Variants in ADAM29 observed in about 807,000 individuals in gnomAD.
ADAM29 encodes disintegrin and metalloproteinase domain-containing protein 29.
For synonymous variants in ADAM29, 367 were observed against 342.3 expected, an observed-to-expected ratio of 1.07 and a Z score of -0.80; for missense variants, 969 against 1,001.8, an observed-to-expected ratio of 0.97 and a Z score of 0.44.
At chr4:174,933,428 T>C (rs1163940670) in intron 3 of ADAM29, among the ~76,000 whole-genome samples, 2 of 152,174 alleles carry the variant, frequency 1.3e-5, no homozygotes, top group Non-Finnish European at 1.5e-5. Context: ...TTTTGTGATA[T>C]GTTAAATCAT....
intron 4 of ADAM29, among the ~76,000 whole-genome samples, chr4:174,962,287 A>G (rs778869019): frequency 2.0e-4 from 31 of 152,198 alleles, no homozygotes; most frequent in African/African-American, 4.6e-4. Context: ...CGGGGCGGGC[A>G]GATCATGAGG....
chr4:174,925,868 C>T (rs1335959022), intron 2 of ADAM29, among the ~76,000 whole-genome samples: 4 of 152,134 alleles, frequency 2.6e-5, no homozygotes, highest in African/African-American at 9.7e-5. Flanking sequence ...TTCTGTTTTC[C>T]TTGCTTGCTG....
At chr4:174,927,507 T>A (rs746751375) in intron 2 of ADAM29, among the ~76,000 whole-genome samples, 22 of 152,252 alleles carry the variant, frequency 1.4e-4, no homozygotes, top group Non-Finnish European at 4.4e-5. Flanking sequence ...ACGTCAATTC[T>A]GTACATGTTT....
intron 4 of ADAM29, among the ~76,000 whole-genome samples, chr4:174,948,449 C>A (rs781701837): frequency 3.3e-5 from 5 of 152,126 alleles, no homozygotes; most frequent in Non-Finnish European, 5.9e-5. Flanking sequence ...GCTCGGCACT[C>A]CTGGGATGAG....
At chr4:174,952,750 A>C (rs1745260560) in intron 4 of ADAM29, among the ~76,000 whole-genome samples, 1 of 152,134 alleles carries the variant, frequency 6.6e-6, no homozygotes, top group African/African-American at 2.4e-5. Flanking sequence ...GCTTCAGATT[A>C]GAACTAAGGA....
intron 4 of ADAM29, among the ~76,000 whole-genome samples, chr4:174,959,698 G>C (rs1429899062): frequency 6.6e-6 from 1 of 151,112 alleles, no homozygotes; most frequent in South Asian, 2.1e-4. Context: ...TCTTCTCTTT[G>C]TACTTCAATT....
chr4:174,973,239 G>A (rs1455030285), intron 4 of ADAM29, among the ~76,000 whole-genome samples: 1 of 152,172 alleles, frequency 6.6e-6, no homozygotes, highest in Non-Finnish European at 1.5e-5. Context: ...CGTAATTCGT[G>A]TATAAAGCCC....
chr4:174,928,580 A>AAAAAAAAAC (rs1461774147), intron 2 of ADAM29, among the ~76,000 whole-genome samples: 1 of 151,642 alleles, frequency 6.6e-6, no homozygotes, highest in Non-Finnish European at 1.5e-5. Context: ...AAAAAAAAAA[A>AAAAAAAAAC]AGACACCAGC....
chr4:174,965,754 C>A (rs1299838933), intron 4 of ADAM29, among the ~76,000 whole-genome samples: 1 of 151,506 alleles, frequency 6.6e-6, no homozygotes, highest in African/African-American at 2.4e-5. Flanking sequence ...GTGTCCTCAT[C>A]CTCTTATAAA....
intron 2 of ADAM29, among the ~76,000 whole-genome samples, chr4:174,922,964 C>T (rs941751443): frequency 1.3e-5 from 2 of 152,114 alleles, no homozygotes; most frequent in Admixed American, 6.6e-5. Flanking sequence ...AAAAAAGACA[C>T]GAAACCAAAA....
At chr4:174,956,024 G>A (rs1745477987) in intron 4 of ADAM29, among the ~76,000 whole-genome samples, 1 of 152,112 alleles carries the variant, frequency 6.6e-6, no homozygotes, top group East Asian at 1.9e-4. Flanking sequence ...CAGACTATAT[G>A]TTTTAGACGA....
chr4:174,973,237 G>A (rs185935689), intron 4 of ADAM29, among the ~76,000 whole-genome samples: 4 of 152,166 alleles, frequency 2.6e-5, no homozygotes, highest in African/African-American at 7.2e-5. Context: ...GACGTAATTC[G>A]TGTATAAAGC....
intron 2 of ADAM29, among the ~76,000 whole-genome samples, chr4:174,929,123 G>A (rs960374254): frequency 6.6e-6 from 1 of 152,116 alleles, no homozygotes; most frequent in Non-Finnish European, 1.5e-5. Flanking sequence ...TTTTGCACAT[G>A]TTGGTTTCTC....
chr4:174,961,845 A>G (rs966377090), intron 4 of ADAM29, among the ~76,000 whole-genome samples: 5 of 152,270 alleles, frequency 3.3e-5, no homozygotes, highest in Admixed American at 3.3e-4. Context: ...AAACCTTACC[A>G]ACTCCATAAA....
intron 4 of ADAM29, among the ~76,000 whole-genome samples, chr4:174,974,323 A>T (rs1746631621): frequency 6.6e-6 from 1 of 152,214 alleles, no homozygotes; most frequent in Admixed American, 6.5e-5. Flanking sequence ...GGGGTTAAAG[A>T]TCTGTCTAGC....
At chr4:174,942,252 G>T (rs565210066) in intron 4 of ADAM29, among the ~76,000 whole-genome samples, 1 of 152,154 alleles carries the variant, frequency 6.6e-6, no homozygotes, top group Non-Finnish European at 1.5e-5. Context: ...GAGGATGGTG[G>T]CCCTCTTCTT....
In ADAM29 at chr4:174,948,784, T is replaced by C. The variant is rs763673033; in HGVS notation, c.-181+11771T>C. 2.6e-5 allele frequency among the ~76,000 whole-genome samples: 4 copies of C among 152,080 alleles called. No homozygotes were observed. In the East Asian group the frequency reaches 5.8e-4, roughly 22 times the overall value. On this transcript the variant is annotated intron_variant, in intron 4 of 4. Coordinates refer to ENST00000359240, the MANE Select transcript of ADAM29 (RefSeq NM_014269.4). ...GTGGTGATGGGGGCACTGGCAGAGC[T>C]GAGGTTGTTGGCACCTGTGCACAAG...
At chr4:174,972,538 G>A (rs576490058) in intron 4 of ADAM29, among the ~76,000 whole-genome samples, 2 of 152,130 alleles carry the variant, frequency 1.3e-5, no homozygotes, top group Non-Finnish European at 2.9e-5. Context: ...AGAGTGGCAA[G>A]TCTCTTACCA....
chr4:174,923,178 C>T (rs1276441893), intron 2 of ADAM29, among the ~76,000 whole-genome samples: 1 of 151,954 alleles, frequency 6.6e-6, no homozygotes, highest in East Asian at 1.9e-4. Context: ...GGCTCAGCCT[C>T]CCCTTGTAAC....
Sources: allele counts gnomAD v4.1 joint callset (sites outside exome capture counted in the v4.1 genomes callset), GRCh38; gene constraint gnomAD v4.1.1; transcripts MANE v1.5; gene names NCBI Gene and HGNC (gene_info 2026-07-23, HGNC 2026-07-21).